The following DDX56 variants were observed in gnomAD, a reference collection of about 807,000 sequenced individuals.
DDX56 encodes probable ATP-dependent RNA helicase DDX56.
DDX56 carries 45 observed loss-of-function variants against 61.5 expected under a neutral mutation model. The ratio of observed to expected loss-of-function variants is 0.73; its 90% CI spans 0.58 to 0.94. The LOEUF is 0.94. Ranked by LOEUF, DDX56 falls within the 40% of genes least tolerant of loss-of-function variation. The probability of loss-of-function intolerance (pLI) is 0.00; values close to 1 mark genes in which losing one functional copy is unlikely to be tolerated. For missense variants in DDX56, 708 were observed against 690.7 expected, an observed-to-expected ratio of 1.02 and a Z score of -0.28; for synonymous variants, 273 against 268.3, an observed-to-expected ratio of 1.02 and a Z score of -0.17.
At position 44,571,729 on chromosome 7, in the gene DDX56, A is replaced by G. The variant is rs749987638; in HGVS notation, c.653T>C (p.Leu218Pro). 1.4e-5 allele frequency: 22 copies of G among 1,613,692 alleles called. No homozygotes were observed. Among genetic ancestry groups the G allele is most frequent in the African/African-American group, 4.0e-5 (3 of 74,910 alleles). Residue 218 changes from leucine (L) to proline (P), a missense_variant, in exon 6 of 14, where the codon CTT (leucine) becomes CCT (proline). By Grantham distance (98) the Leu-to-Pro change is moderately conservative. Transcript: ENST00000258772. ...KELILHNPVT[L>P]KLQESQLPGP... ...AGGCAGCTGGGACTCCTGTAACTTA[A>G]GGGTAACCTGGGGGAGAAAACAGGC... is the stretch of plus-strand genomic sequence containing the variant.
rs1802649826 is a variant in DDX56, at chr7:44,570,771, G to A, written c.997C>T (p.Pro333Ser). 5 of 1,612,180 alleles carry A rather than the reference G, an allele frequency of 3.1e-6. No individual in the cohort carries two copies. The highest frequency in any genetic ancestry group is 4.2e-6 in the Non-Finnish European group (5 of 1,178,904). ...GCATGGACTCACTTGTCCCCTTTGG[G>A]CCCTCGGCCCCGACGCTTGCCCTTG... ...PVKGKRRGRG[P>S]KGDKASDPEA... Residue 333 changes from proline (P) to serine (S), a missense_variant, in exon 7 of 14, where the codon CCC becomes TCC. Physicochemically the swap from Pro to Ser is moderately conservative, Grantham distance 74. Transcript: ENST00000258772.
chr7:44,572,876 C>T lies in DDX56; in HGVS notation c.383+14G>A. ...GTAGCTTCATTCAGGTACAGCTTTG[C>T]TGCTTTTACCCACCTCTGAGAGACT... is the stretch of plus-strand genomic sequence containing the variant. On this transcript the variant is annotated intron_variant, in intron 3 of 13. Transcript: ENST00000258772. The T allele has an allele frequency of 6.3e-7, 1 of 1,583,466 alleles. No individual in the cohort carries two copies. The highest frequency in any genetic ancestry group is 8.6e-7 in the Non-Finnish European group (1 of 1,162,514).
intron 5 of DDX56, 108 bp downstream of exon 5, chr7:44,572,239 G>A: frequency 2.3e-6 from 2 of 881,608 alleles, no homozygotes; most frequent in Non-Finnish European, 1.8e-6. Flanking sequence ...GAGACACTAA[G>A]TGACAACTGT....
chr7:44,572,375 G>C lies in DDX56; in HGVS notation c.617C>G (p.Ala206Gly). The change falls in exon 5 of 14, where the codon GCA (alanine) becomes GGA (glycine). Residue 206 changes from alanine (A) to glycine (G), a missense_variant. By Grantham distance (60) the Ala-to-Gly change is moderately conservative. Transcript: ENST00000258772. ...GTTATGTAATATCAGCTCCTTGAGT[G>C]CTTGTACGTCCTCGTTAAAAGTAGC... ...MSATFNEDVQ[A>G]LKELILHNPV... is the part of the protein sequence containing the mutation. The C allele has an allele frequency of 6.2e-7, 1 of 1,614,080 alleles. No individual in the cohort carries two copies.
Position 44,569,904 on chromosome 7 carries a change from C to A in DDX56, c.1125-1G>T. ...GCCTGGGTTGTTAGCGCGTGCTGTC[C>A]TGCAAGGGAAGACAGTGCAGCTTGC... On this transcript the variant is annotated splice_acceptor_variant, in intron 8 of 13. Transcript: ENST00000258772. LOFTEE classifies it high-confidence loss of function. 6.2e-7 allele frequency: 1 copy of A among 1,611,280 alleles called. No homozygotes were observed. The highest frequency in any genetic ancestry group is 2.2e-5 in the East Asian group (1 of 44,840).
At chr7:44,570,430 G>A (rs886720740) in intron 7 of DDX56, among the ~76,000 whole-genome samples, 6 of 152,204 alleles carry the variant, frequency 3.9e-5, no homozygotes, top group African/African-American at 1.4e-4. Context: ...AGACTGGAGA[G>A]TTGGGGGGTT....
At position 44,573,645 on chromosome 7, in the gene DDX56, C is replaced by T; in HGVS notation, c.160G>A (p.Gly54Ser). 1 of 1,613,756 alleles carries T rather than the reference C, an allele frequency of 6.2e-7. No homozygotes were observed. The highest frequency in any genetic ancestry group is 8.5e-7 in the Non-Finnish European group (1 of 1,180,032). Residue 54 changes from glycine (G) to serine (S), a missense_variant, in exon 2 of 14, where the codon GGC becomes AGC. Gly to Ser is a moderately conservative substitution (Grantham distance 56). Coordinates refer to ENST00000258772, the MANE Select transcript of DDX56 (RefSeq NM_019082.4). ...GKDLLARART[G>S]SGKTAAYAIP... ...GCATAAGCGGCCGTCTTCCCGGAGC[C>T]CGTGCGGGCCCGAGCCAGGAGGTCC... is the stretch of plus-strand genomic sequence containing the variant.
rs200906446 is a variant in DDX56 at position 44,571,718 on chromosome 7, C to T, written c.664G>A (p.Glu222Lys). ...LHNPVTLKLQ[E>K]SQLPGPDQLQ... ...TGGTCTGGCCCAGGCAGCTGGGACT[C>T]CTGTAACTTAAGGGTAACCTGGGGG... The change falls in exon 6 of 14, where the codon GAG becomes AAG. Residue 222 changes from glutamate to lysine, a missense_variant. Glu to Lys is a moderately conservative substitution (Grantham distance 56). Transcript: ENST00000258772. 2.6e-5 allele frequency: 42 copies of T among 1,613,814 alleles called. No homozygotes were observed. Among genetic ancestry groups the T allele is most frequent in the Non-Finnish European group, 3.5e-5 (41 of 1,180,042 alleles).
In DDX56 at chr7:44,568,996, G is replaced by C. The variant is rs774897954; in HGVS notation, c.1294-4C>G. The C allele has an allele frequency of 1.1e-5, 18 of 1,614,056 alleles. No individual in the cohort carries two copies. The highest frequency in any genetic ancestry group is 3.3e-5 in the Admixed American group (2 of 60,022). On this transcript the variant is annotated splice_polypyrimidine_tract_variant and splice_region_variant and intron_variant, in intron 10 of 13. Transcript: ENST00000258772. ...TAGTCACTGAGCGCATGGCATCCTG[G>C]GGGTGGACACTGAAGGTCAAGACAG...
Position 44,568,937 on chromosome 7 carries a change from A to G in DDX56, c.1349T>C (p.Ile450Thr). 1 of 1,614,060 alleles carries G rather than the reference A, an allele frequency of 6.2e-7. No individual in the cohort carries two copies. Among genetic ancestry groups the G allele is most frequent in the Admixed American group, 1.7e-5 (1 of 60,016 alleles). ...QAIREARLKEIKEELLHSEKL... is the reference protein window; with the variant it reads ...QAIREARLKETKEELLHSEKL... Reference sequence around the variant, plus strand: ...CTCAGAATGCAGAAGCTCTTCCTTGATCTCCTTCAATCTTGCCTCCCGAAT... The same window carrying G: ...CTCAGAATGCAGAAGCTCTTCCTTGGTCTCCTTCAATCTTGCCTCCCGAAT... Residue 450 changes from isoleucine (I) to threonine (T), a missense_variant, in exon 11 of 14, where the codon ATC becomes ACC. Ile to Thr is a moderately conservative substitution (Grantham distance 89). Transcript: ENST00000258772.
chr7:44,570,083 G>C lies in DDX56; in HGVS notation c.1056C>G (p.His352Gln). Residue 352 changes from histidine (H) to glutamine (Q), a missense_variant, in exon 8 of 14, where the codon CAC becomes CAG. By Grantham distance (24) the His-to-Gln change is conservative (BLOSUM62 0). Transcript: ENST00000258772. ...CAAAGTTGAGCACAGCAGACACATG[G>C]TGGAAGTCTATGCCCCGGGCCACAC... Reference protein sequence around the residue: ...EAGVARGIDFHHVSAVLNFDL... With the variant: ...EAGVARGIDFQHVSAVLNFDL... 1 of 1,614,172 alleles carries C rather than the reference G, an allele frequency of 6.2e-7. No homozygotes were observed. The highest frequency in any genetic ancestry group is 1.1e-5 in the South Asian group (1 of 91,080).
At chr7:44,566,216 A>G in intron 13 of DDX56, 137 bp from the exon 14 acceptor site, 1 of 679,546 alleles carries the variant, frequency 1.5e-6, no homozygotes, top group Non-Finnish European at 2.5e-6. Context: ...GCTGCAGATA[A>G]GGAAATGGGG....
rs750375632 is a variant in DDX56, at chr7:44,571,516, T to C, written c.866A>G (p.Asn289Ser). ...CCTGGAGCGCAGTGGAAGCTCTCCA[T>C]TGAGCACACAGGTGGGGATGCTGAA... ...EQFSIPTCVL[N>S]GELPLRSRCH... The change falls in exon 6 of 14, where the codon AAT becomes AGT. Residue 289 changes from asparagine to serine, a missense_variant. By Grantham distance (46) the Asn-to-Ser change is conservative (BLOSUM62 1). Coordinates refer to ENST00000258772, the MANE Select transcript of DDX56 (RefSeq NM_019082.4). 3.5e-5 allele frequency: 56 copies of C among 1,614,006 alleles called. No homozygotes were observed. Among genetic ancestry groups the C allele is most frequent in the Non-Finnish European group, 3.8e-5 (45 of 1,180,022 alleles).
In DDX56 at chr7:44,570,863, G is replaced by A. The variant is rs777216419; in HGVS notation, c.905C>T (p.Ser302Leu). 9.3e-6 allele frequency: 15 copies of A among 1,612,518 alleles called. No homozygotes were observed. In the East Asian group the frequency reaches 3.3e-4, roughly 36 times the overall value. ...LPLRSRCHII[S>L]QFNQGFYDCV... is the part of the protein sequence containing the mutation. ...GTCGTAGAAGCCTTGGTTGAACTGT[G>A]AGATGATGTGGCACCTGCAGCCAAG... Residue 302 changes from serine to leucine, a missense_variant, in exon 7 of 14, where the codon TCA (serine) becomes TTA (leucine). Physicochemically the swap from Ser to Leu is moderately radical, Grantham distance 145. Transcript: ENST00000258772.
In DDX56 at chr7:44,572,571, T is replaced by C. The variant is rs746936401; in HGVS notation, c.554+3A>G. ...CTAGGAATCACACCCACCTCTGCCT[T>C]ACCAGAGGAGACTCTTGAGCTCTTC... On this transcript the variant is annotated splice_donor_region_variant and intron_variant, in intron 4 of 13. Transcript: ENST00000258772. 9.3e-6 allele frequency: 15 copies of C among 1,613,866 alleles called. No homozygotes were observed. Among genetic ancestry groups the C allele is most frequent in the Admixed American group, 1.7e-5 (1 of 59,980 alleles).
intron 9 of DDX56, among the ~76,000 whole-genome samples, chr7:44,569,429 G>A (rs1274273845): frequency 2.0e-5 from 3 of 152,236 alleles, no homozygotes; most frequent in Non-Finnish European, 4.4e-5. Context: ...CCAAGAACCC[G>A]TCACCCACTC....
Position 44,570,761 on chromosome 7 carries a change from TCC to T in DDX56, c.1005_1006del (p.Asp336GlnfsTer4). On this transcript the variant is annotated frameshift_variant, in exon 7 of 14. Coordinates refer to ENST00000258772, the MANE Select transcript of DDX56 (RefSeq NM_019082.4). LOFTEE classifies it high-confidence loss of function. ...GGAAAAAGAGGCATGGACTCACTTG[TCC>T]CCTTTGGGCCCTCGGCCCCGACGCT... The T allele has an allele frequency of 6.2e-7, 1 of 1,608,696 alleles. No homozygotes were observed.
chr7:44,568,796 G>T, intron 11 of DDX56, 107 bp downstream of exon 11: 3 of 884,708 alleles, frequency 3.4e-6, no homozygotes, highest in Admixed American at 2.0e-5. Flanking sequence ...CGTGCCAAAG[G>T]CCAGAAAACT....
chr7:44,570,931 TC>T (rs2117124895), intron 6 of DDX56, 54 bp from the exon 7 acceptor site: 1 of 1,574,020 alleles, frequency 6.4e-7, no homozygotes, highest in Non-Finnish European at 8.7e-7. Flanking sequence ...TCAAGGCCCC[TC>T]TGCCATCCCT....
Sources: gnomAD v4.1 joint callset for allele counts (sites outside exome capture counted in the v4.1 genomes callset) on GRCh38, gnomAD v4.1.1 for gene constraint, MANE v1.5 for transcripts, NCBI Gene and HGNC (gene_info 2026-07-23, HGNC 2026-07-21) for gene names.